Variants in PDE1C observed in about 807,000 individuals in gnomAD.
PDE1C encodes the protein phosphodiesterase 1C, also known as dual specificity calcium/calmodulin-dependent 3',5'-cyclic nucleotide phosphodiesterase 1C.
A neutral mutation model predicts 93.1 loss-of-function variants in PDE1C; 62 were observed. That is an observed-to-expected ratio of 0.67 (90% CI 0.54 to 0.82). The LOEUF (loss-of-function observed/expected upper bound fraction) is 0.82. Among genes scored for constraint, PDE1C ranks in the 40% least tolerant of loss-of-function variants. The pLI is 0.00. For synonymous variants in PDE1C, 325 were observed against 310.1 expected (o/e 1.05, Z -0.50); for missense variants, 742 against 884.6 (o/e 0.84, Z 2.04).
intron 1 of PDE1C, among the ~76,000 whole-genome samples, chr7:32,222,229 C>T (rs772197462): frequency 6.6e-6 from 1 of 152,184 alleles, no homozygotes; most frequent in African/African-American, 2.4e-5. Flanking sequence ...CATAAATCAT[C>T]GCATCGTTAC....
At chr7:31,880,891 G>C in intron 2 of PDE1C, 31 bp from the exon 3 acceptor site, 1 of 1,281,980 alleles carries the variant, frequency 7.8e-7, no homozygotes, top group Non-Finnish European at 1.1e-6. Flanking sequence ...AATTTCATTA[G>C]AATAGAGGAA....
At chr7:31,717,957 G>A in the PDE1C span, among the ~76,000 whole-genome samples, 5 of 152,200 alleles carry the variant, frequency 3.3e-5, no homozygotes, top group African/African-American at 4.8e-5. Context: ...GAGAAGAAAT[G>A]TCACAACCAA....
intron 15 of PDE1C, among the ~76,000 whole-genome samples, chr7:31,811,434 G>A (rs1467389810): frequency 6.6e-6 from 1 of 152,018 alleles, no homozygotes; most frequent in Non-Finnish European, 1.5e-5. Context: ...GGTCCAAACA[G>A]GAGGATTTTA....
At chr7:31,697,678 A>G in the PDE1C span, among the ~76,000 whole-genome samples, 1 of 152,324 alleles carries the variant, frequency 6.6e-6, no homozygotes, top group South Asian at 2.1e-4. Context: ...ACGTATATTC[A>G]TGGCTAGAGT....
At chr7:32,309,814 A>C (rs182337545) in intron 1 of PDE1C, among the ~76,000 whole-genome samples, 38 of 152,352 alleles carry the variant, frequency 2.5e-4, no homozygotes, top group African/African-American at 8.4e-4. Flanking sequence ...TGTAAAGACC[A>C]TCAAGGCTAG....
intron 1 of PDE1C, among the ~76,000 whole-genome samples, chr7:32,238,136 G>A (rs952056090): frequency 6.6e-6 from 1 of 152,070 alleles, no homozygotes; most frequent in Middle Eastern, 3.2e-3. Context: ...ATTAATAAGA[G>A]AGTTAAGCAA....
intron 1 of PDE1C, among the ~76,000 whole-genome samples, chr7:32,408,407 T>C (rs559156347): frequency 6.6e-6 from 1 of 152,312 alleles, no homozygotes; most frequent in South Asian, 2.1e-4. Flanking sequence ...TTGGGATGCC[T>C]GGGAGGAATG....
At chr7:32,008,333 C>A in intron 2 of PDE1C, among the ~76,000 whole-genome samples, 1 of 152,188 alleles carries the variant, frequency 6.6e-6, no homozygotes, top group East Asian at 1.9e-4. Flanking sequence ...CTTGATGCTA[C>A]TTCTAGGCTT....
intron 1 of PDE1C, among the ~76,000 whole-genome samples, chr7:32,069,439 G>C (rs1204689089): frequency 6.6e-6 from 1 of 152,132 alleles, no homozygotes; most frequent in Non-Finnish European, 1.5e-5. Flanking sequence ...GATGAAAGTA[G>C]TATCTAGTAG....
chr7:32,312,749 T>C (rs1024727956), intron 1 of PDE1C, among the ~76,000 whole-genome samples: 1 of 152,098 alleles, frequency 6.6e-6, no homozygotes, highest in South Asian at 2.1e-4. Flanking sequence ...ACACAAAAAT[T>C]AATTCAAAAT....
chr7:32,137,011 C>A (rs761269716), intron 3 of PDE1C, among the ~76,000 whole-genome samples: 5 of 152,186 alleles, frequency 3.3e-5, no homozygotes, highest in Admixed American at 3.3e-4. Context: ...TCTTTTTATG[C>A]ATTCATTCTT....
intron 3 of PDE1C, among the ~76,000 whole-genome samples, chr7:32,094,066 G>T (rs147950998): frequency 6.6e-6 from 1 of 152,212 alleles, no homozygotes; most frequent in Admixed American, 6.5e-5. Flanking sequence ...TCTTACTCTC[G>T]CAAGTGTCCC....
intron 9 of PDE1C, among the ~76,000 whole-genome samples, chr7:31,841,328 G>A (rs907130197): frequency 6.7e-6 from 1 of 150,110 alleles, no homozygotes; most frequent in Non-Finnish European, 1.5e-5. Context: ...ATTCATTATC[G>A]GTTCCAGTAG....
upstream of PDE1C, chr7:32,299,484 G>T: frequency 1.1e-6 from 1 of 916,988 alleles, no homozygotes; most frequent in Non-Finnish European, 1.3e-6. Flanking sequence ...ATTAGAACTC[G>T]CCCCTTACCA....
the PDE1C span, among the ~76,000 whole-genome samples, chr7:31,736,047 A>G: frequency 3.3e-5 from 5 of 152,092 alleles, no homozygotes; most frequent in African/African-American, 9.6e-5. Flanking sequence ...TTTTTTGTGG[A>G]TTTTTTTTCC....
At chr7:32,151,636 T>C (rs1285666627) in intron 3 of PDE1C, among the ~76,000 whole-genome samples, 1 of 152,214 alleles carries the variant, frequency 6.6e-6, no homozygotes, top group Non-Finnish European at 1.5e-5. Context: ...ACACCAGATT[T>C]GAAAACAGAA....
intron 17 of PDE1C, 42 bp from the exon 18 acceptor site, chr7:31,753,595 C>A (rs1794250755): frequency 1.9e-6 from 3 of 1,579,612 alleles, no homozygotes; most frequent in African/African-American, 2.7e-5. Context: ...GTTAGCCTCA[C>A]CCACGACATG....
intron 17 of PDE1C, among the ~76,000 whole-genome samples, chr7:31,765,224 G>C (rs1795066603): frequency 2.6e-5 from 4 of 152,124 alleles, no homozygotes; most frequent in Admixed American, 2.6e-4. Context: ...TCAAACGATG[G>C]CTTCCTATCA....
chr7:32,387,825 C>G (rs1784669418), intron 1 of PDE1C, among the ~76,000 whole-genome samples: 1 of 148,360 alleles, frequency 6.7e-6, no homozygotes, highest in Non-Finnish European at 1.5e-5. Flanking sequence ...CACCACCTCC[C>G]TCCAGGACGG....
Sources: allele counts gnomAD v4.1 joint callset (sites outside exome capture counted in the v4.1 genomes callset), GRCh38; gene constraint gnomAD v4.1.1; transcripts MANE v1.5; gene names NCBI Gene and HGNC (gene_info 2026-07-23, HGNC 2026-07-21).